Variants in TMEM117 observed in about 807,000 individuals in gnomAD.
TMEM117 encodes the protein transmembrane protein 117.
In TMEM117, 27 loss-of-function variants were observed where a neutral mutation model predicts 52.4. The observed-to-expected ratio is 0.51, with a 90% CI of 0.38 to 0.71. The LOEUF is 0.71. Among genes scored for constraint, TMEM117 ranks in the 30% least tolerant of loss-of-function variants. The pLI, the probability that TMEM117 is intolerant of heterozygous loss-of-function variation, is 0.00. For missense variants in TMEM117, 556 were observed against 630.5 expected (o/e 0.88, Z 1.26); for synonymous variants, 215 against 206.3 (o/e 1.04, Z -0.36).
intron 3 of TMEM117, among the ~76,000 whole-genome samples, chr12:44,029,787 A>G (rs1946603793): frequency 6.6e-6 from 1 of 152,220 alleles, no homozygotes; most frequent in Admixed American, 6.5e-5. Context: ...ACACAGGCTT[A>G]GGACACCTGT....
intron 3 of TMEM117, among the ~76,000 whole-genome samples, chr12:44,128,698 C>A (rs1177910778): frequency 6.6e-6 from 1 of 152,126 alleles, no homozygotes; most frequent in Admixed American, 6.6e-5. Context: ...TTAATTACCA[C>A]CAAAGGCCTA....
At chr12:44,071,364 A>G (rs955481284) in intron 3 of TMEM117, among the ~76,000 whole-genome samples, 1 of 152,186 alleles carries the variant, frequency 6.6e-6, no homozygotes, top group Non-Finnish European at 1.5e-5. Context: ...GATTGAAATA[A>G]TGAATGACCT....
Position 44,162,058 on chromosome 12 carries a change from T to A in TMEM117, c.510+18434T>A, listed in dbSNP as rs564240098. ...GAATATGCCTGTTATTTGAAACTACTAAAGTGAGTTTAAAGAATGAGATGC... is the reference window on the plus strand; with the variant it reads ...GAATATGCCTGTTATTTGAAACTACAAAAGTGAGTTTAAAGAATGAGATGC... On this transcript the variant is annotated intron_variant, in intron 4 of 7. Transcript: ENST00000266534. Among the ~76,000 whole-genome samples, 6 of 152,312 alleles carry A rather than the reference T, an allele frequency of 3.9e-5. No individual in the cohort carries two copies. The South Asian group carries it at 1.2e-3, about 32-fold the overall frequency.
intron 6 of TMEM117, among the ~76,000 whole-genome samples, chr12:44,370,707 G>A (rs1951852387): frequency 6.6e-6 from 1 of 151,764 alleles, no homozygotes; most frequent in Non-Finnish European, 1.5e-5. Context: ...TAGTAGAGAC[G>A]GATTTCTGTC....
intron 3 of TMEM117, among the ~76,000 whole-genome samples, chr12:44,134,939 T>C (rs1292116458): frequency 2.0e-5 from 3 of 152,044 alleles, no homozygotes; most frequent in Non-Finnish European, 4.4e-5. Context: ...CAGGAAGGCA[T>C]TGGAATTAGA....
chr12:44,008,657 TG>T, intron 3 of TMEM117: 1 of 257,624 alleles, frequency 3.9e-6, no homozygotes. Context: ...CCTTCTTCTG[TG>T]GCTTTTCTGG....
At chr12:44,008,799 G>T in intron 3 of TMEM117, 1 of 442,148 alleles carries the variant, frequency 2.3e-6, no homozygotes, top group South Asian at 1.9e-5. Flanking sequence ...CCACATTCAT[G>T]ACATTTAAAG....
Position 44,121,825 on chromosome 12 carries a change from G to A in TMEM117, c.411-21700G>A, listed in dbSNP as rs192719768. 1.1e-4 allele frequency among the ~76,000 whole-genome samples: 16 copies of A among 152,118 alleles called. 1 individual carries two copies. In the East Asian group the frequency reaches 1.4e-3, roughly 13 times the overall value. On this transcript the variant is annotated intron_variant, in intron 3 of 7. Coordinates refer to ENST00000266534, the MANE Select transcript of TMEM117 (RefSeq NM_032256.3). The stretch of plus-strand genomic sequence containing the variant: ...CACCCAGGTAATAAGCATAGTACCC[G>A]ATAGTAATTTTTTTATCTTCATGCT...
intron 3 of TMEM117, among the ~76,000 whole-genome samples, chr12:43,997,710 A>G (rs963672983): frequency 3.3e-5 from 5 of 152,164 alleles, no homozygotes; most frequent in African/African-American, 1.2e-4. Flanking sequence ...AGGCAAATCA[A>G]TATTATCTCA....
chr12:43,921,190 T>C (rs1944687557), intron 2 of TMEM117, among the ~76,000 whole-genome samples: 1 of 152,216 alleles, frequency 6.6e-6, no homozygotes. Context: ...ATCTGTCTTA[T>C]CTATCTACCC....
At chr12:44,118,038 T>TAA (rs532341334) in intron 3 of TMEM117, among the ~76,000 whole-genome samples, 3 of 148,998 alleles carry the variant, frequency 2.0e-5, no homozygotes, top group Admixed American at 6.7e-5. Context: ...ACTTCTTTAT[T>TAA]AAAAAAAAAA....
chr12:43,804,277 CA>C, the TMEM117 span: 1 of 536,716 alleles, frequency 1.9e-6, no homozygotes. Context: ...GAAGTCACAT[CA>C]AAAAACATCT....
intron 4 of TMEM117, among the ~76,000 whole-genome samples, chr12:44,194,439 T>G (rs748436291): frequency 1.3e-5 from 2 of 152,142 alleles, no homozygotes; most frequent in Non-Finnish European, 2.9e-5. Context: ...CAGAGTGAAA[T>G]TTTTAGGACA....
At chr12:44,356,250 A>G (rs747413389) in intron 6 of TMEM117, among the ~76,000 whole-genome samples, 1 of 152,166 alleles carries the variant, frequency 6.6e-6, no homozygotes, top group African/African-American at 2.4e-5. Flanking sequence ...TGTAAAACAG[A>G]TAAATGAACT....
chr12:43,925,130 G>A (rs768304035), intron 2 of TMEM117, among the ~76,000 whole-genome samples: 42 of 152,038 alleles, frequency 2.8e-4, no homozygotes, highest in Non-Finnish European at 5.7e-4. Flanking sequence ...GACCACGGTG[G>A]AAACTACGAT....
rs565959966 is a variant in TMEM117, at chr12:44,361,789, C to CA, written c.769-14797dup. Among the ~76,000 whole-genome samples, 81 of 151,216 alleles carry CA rather than the reference C, an allele frequency of 5.4e-4. 2 individuals carry two copies. The East Asian group carries it at 0.011, about 21-fold the overall frequency. On this transcript the variant is annotated intron_variant, in intron 6 of 7. Coordinates refer to ENST00000266534, the MANE Select transcript of TMEM117 (RefSeq NM_032256.3). ...AAATAGTCAAGAAGAGTTACATACA[C>CA]AAAAAAAAATTGTGCCATTGTGATA...
intron 2 of TMEM117, among the ~76,000 whole-genome samples, chr12:43,889,783 A>G (rs1466373211): frequency 6.6e-6 from 1 of 152,232 alleles, no homozygotes; most frequent in Non-Finnish European, 1.5e-5. Flanking sequence ...TCTTAAAACA[A>G]TGGGTGATTC....
At chr12:43,956,827 C>T (rs1409112642) in intron 3 of TMEM117, among the ~76,000 whole-genome samples, 1 of 152,142 alleles carries the variant, frequency 6.6e-6, no homozygotes, top group Non-Finnish European at 1.5e-5. Context: ...ATTTATAAAT[C>T]ATTCTATTAT....
intron 2 of TMEM117, among the ~76,000 whole-genome samples, chr12:43,939,960 C>T (rs192494906): frequency 5.7e-4 from 87 of 152,226 alleles, no homozygotes; most frequent in African/African-American, 2.0e-3. Flanking sequence ...TTAATAAAAC[C>T]GTCAGCTCTC....
Sources: allele counts gnomAD v4.1 joint callset (sites outside exome capture counted in the v4.1 genomes callset), GRCh38; gene constraint gnomAD v4.1.1; transcripts MANE v1.5; gene names NCBI Gene and HGNC (gene_info 2026-07-23, HGNC 2026-07-21).